Variants in FAT3 observed in about 807,000 individuals in gnomAD.
FAT3 encodes protocadherin Fat 3.
In FAT3, 95 loss-of-function variants were observed where a neutral mutation model predicts 310.2. The ratio of observed to expected loss-of-function variants is 0.31; its 90% CI spans 0.26 to 0.36. The LOEUF (loss-of-function observed/expected upper bound fraction) is 0.36, where lower values mean the gene tolerates loss of function less well. Among genes scored for constraint, FAT3 ranks in the 10% least tolerant of loss-of-function variants. The probability of loss-of-function intolerance (pLI) is 1.00; values close to 1 mark genes in which losing one functional copy is unlikely to be tolerated. For missense variants in FAT3, 5,408 were observed against 5,715.6 expected, an observed-to-expected ratio of 0.95 and a Z score of 1.74; for synonymous variants, 2,314 against 2,192.9, an observed-to-expected ratio of 1.06 and a Z score of -1.54.
intron 1 of FAT3, among the ~76,000 whole-genome samples, chr11:92,226,056 C>A (rs185574367): frequency 2.7e-4 from 41 of 152,258 alleles, no homozygotes; most frequent in African/African-American, 8.7e-4. Context: ...CACTCCCGGG[C>A]GGTTCGGGAC....
At chr11:92,540,776 T>TTTTGTTTTG (rs1209450796) in intron 3 of FAT3, among the ~76,000 whole-genome samples, 20 of 35,588 alleles carry the variant, frequency 5.6e-4, no homozygotes, top group African/African-American at 1.3e-3. Flanking sequence ...TTTTGTTTTG[T>TTTTGTTTTG]TTTTTTTGAC....
At chr11:92,344,424 A>G (rs1948355338) in intron 1 of FAT3, among the ~76,000 whole-genome samples, 2 of 152,218 alleles carry the variant, frequency 1.3e-5, no homozygotes, top group South Asian at 2.1e-4. Flanking sequence ...TTATCAGATC[A>G]CCAATCCTGG....
intron 3 of FAT3, among the ~76,000 whole-genome samples, chr11:92,590,797 C>A (rs149831832): frequency 7.4e-4 from 113 of 152,218 alleles, no homozygotes; most frequent in African/African-American, 2.5e-3. Context: ...GTGTAGCAGG[C>A]ATTTGTTATT....
chr11:92,316,987 G>C (rs1055736237), intron 1 of FAT3, among the ~76,000 whole-genome samples: 4 of 152,156 alleles, frequency 2.6e-5, no homozygotes, highest in African/African-American at 9.7e-5. Flanking sequence ...TGGCAGATGA[G>C]GATTTGGGGA....
intron 3 of FAT3, among the ~76,000 whole-genome samples, chr11:92,644,671 T>C (rs1314806472): frequency 1.3e-5 from 2 of 152,226 alleles, no homozygotes; most frequent in Non-Finnish European, 2.9e-5. Flanking sequence ...GACTTGACTG[T>C]CCTGAGGCCA....
At chr11:92,339,503 G>A (rs948518055) in intron 1 of FAT3, among the ~76,000 whole-genome samples, 2 of 152,196 alleles carry the variant, frequency 1.3e-5, no homozygotes, top group African/African-American at 4.8e-5. Flanking sequence ...TTATAGTCAA[G>A]TTGGAGTAAC....
chr11:92,618,465 C>G (rs1214429094), intron 3 of FAT3, among the ~76,000 whole-genome samples: 1 of 152,174 alleles, frequency 6.6e-6, no homozygotes, highest in African/African-American at 2.4e-5. Context: ...TCGGCTCACA[C>G]TCTGTGGGCT....
chr11:92,768,950 A>C (rs1946390333), intron 6 of FAT3, among the ~76,000 whole-genome samples: 1 of 152,168 alleles, frequency 6.6e-6, no homozygotes, highest in South Asian at 2.1e-4. Flanking sequence ...ATAACTAATA[A>C]ATTCTCATTA....
chr11:92,773,761 AT>A (rs1188833040), intron 6 of FAT3, among the ~76,000 whole-genome samples: 1 of 152,194 alleles, frequency 6.6e-6, no homozygotes, highest in Non-Finnish European at 1.5e-5. Flanking sequence ...TAAATATTTA[AT>A]GGAGTCAGTT....
chr11:92,890,931 C>T lies in FAT3; in HGVS notation c.13588C>T (p.Pro4530Ser), dbSNP rs577242427. ...GAACCAGGGCACAGAGCCCACAGGCCCAGCAGACAGCGTGTCTCTGTCCTT... is the reference window on the plus strand; with the variant it reads ...GAACCAGGGCACAGAGCCCACAGGCTCAGCAGACAGCGTGTCTCTGTCCTT... ...SMNQGTEPTG[P>S]ADSVSLSLHN... The change falls in exon 28 of 28, where the codon CCA becomes TCA. Residue 4530 changes from proline to serine, a missense_variant. Transcript: ENST00000525166. The T allele has an allele frequency of 6.2e-7, 1 of 1,614,002 alleles. No homozygotes were observed. The highest frequency in any genetic ancestry group is 1.3e-5 in the African/African-American group (1 of 75,052).
intron 4 of FAT3, among the ~76,000 whole-genome samples, chr11:92,701,645 C>G (rs1257431551): frequency 6.6e-6 from 1 of 152,190 alleles, no homozygotes; most frequent in South Asian, 2.1e-4. Context: ...CGTATACCTT[C>G]CTTGATACCC....
chr11:92,535,618 A>G (rs1296846340), intron 3 of FAT3, among the ~76,000 whole-genome samples: 1 of 152,142 alleles, frequency 6.6e-6, no homozygotes, highest in Non-Finnish European at 1.5e-5. Context: ...GAACCACTCA[A>G]GCTTGGTTTT....
intron 2 of FAT3, among the ~76,000 whole-genome samples, chr11:92,363,228 G>T (rs963471836): frequency 2.0e-5 from 3 of 152,180 alleles, no homozygotes; most frequent in African/African-American, 7.2e-5. Flanking sequence ...AGCTGCCAGT[G>T]CTGAGTCTAA....
At chr11:92,271,630 T>C (rs1431190068) in intron 1 of FAT3, among the ~76,000 whole-genome samples, 1 of 152,168 alleles carries the variant, frequency 6.6e-6, no homozygotes, top group Non-Finnish European at 1.5e-5. Flanking sequence ...GCTTGCAACA[T>C]AGTTGTTGCA....
intron 1 of FAT3, among the ~76,000 whole-genome samples, chr11:92,226,743 T>C (rs1204988662): frequency 6.6e-6 from 1 of 152,000 alleles, no homozygotes; most frequent in Non-Finnish European, 1.5e-5. Flanking sequence ...TCTGGTGGAC[T>C]CCTAGCGCCT....
chr11:92,707,518 A>G (rs1489860534), intron 4 of FAT3, among the ~76,000 whole-genome samples: 1 of 152,148 alleles, frequency 6.6e-6, no homozygotes, highest in East Asian at 1.9e-4. Context: ...AAGGGTTGGT[A>G]TTGCACAACT....
intron 3 of FAT3, among the ~76,000 whole-genome samples, chr11:92,572,309 CA>C (rs1460125512): frequency 6.6e-6 from 1 of 152,072 alleles, no homozygotes; most frequent in African/African-American, 2.4e-5. Context: ...TTTTTATGTA[CA>C]AAAGCTGATA....
intron 1 of FAT3, among the ~76,000 whole-genome samples, chr11:92,260,245 T>A (rs1369896640): frequency 6.6e-6 from 1 of 152,126 alleles, no homozygotes; most frequent in Non-Finnish European, 1.5e-5. Flanking sequence ...TGTGTGTGTG[T>A]GAGTGTACAA....
At chr11:92,431,455 G>T (rs1950775037) in intron 2 of FAT3, among the ~76,000 whole-genome samples, 1 of 152,134 alleles carries the variant, frequency 6.6e-6, no homozygotes, top group Non-Finnish European at 1.5e-5. Context: ...CTCCTATTCT[G>T]TAGGTTGCCT....
Sources: gnomAD v4.1 joint callset for allele counts (sites outside exome capture counted in the v4.1 genomes callset) on GRCh38, gnomAD v4.1.1 for gene constraint, MANE v1.5 for transcripts, NCBI Gene and HGNC (gene_info 2026-07-23, HGNC 2026-07-21) for gene names.